DGKI: variants seen among roughly 807,000 people sequenced by gnomAD.
DGKI encodes diacylglycerol kinase iota.
A neutral mutation model predicts 147.5 loss-of-function variants in DGKI; 55 were observed. That is an observed-to-expected ratio of 0.37 (90% CI 0.30 to 0.47). The LOEUF is 0.47. Among genes scored for constraint, DGKI ranks in the 20% least tolerant of loss-of-function variants. The pLI is 1.00. For synonymous variants in DGKI, 469 were observed against 477.1 expected, an observed-to-expected ratio of 0.98 and a Z score of 0.22; for missense variants, 1,007 against 1,323.8, an observed-to-expected ratio of 0.76 and a Z score of 3.71.
chr7:137,830,153 A>T (rs1473953381), intron 1 of DGKI, among the ~76,000 whole-genome samples: 2 of 152,268 alleles, frequency 1.3e-5, no homozygotes, highest in African/African-American at 4.8e-5. Context: ...AAACTTTGGA[A>T]ATATTATCAG....
intron 30 of DGKI, among the ~76,000 whole-genome samples, chr7:137,402,393 G>A (rs1167213450): frequency 6.6e-6 from 1 of 152,130 alleles, no homozygotes; most frequent in Non-Finnish European, 1.5e-5. Context: ...GAGACACCCA[G>A]GGAATGCGAA....
rs909247320 is a variant in DGKI at position 137,391,650 on chromosome 7, G to T, written c.3058-314C>A. ...CACAGAGGTTAACAGTATACAGAAG[G>T]AAACAGTGGGGTAAAGCGAGTTTTG... is the stretch of plus-strand genomic sequence containing the variant. On this transcript the variant is annotated intron_variant, in intron 32 of 32. Coordinates refer to ENST00000614521, the MANE Select transcript of DGKI (RefSeq NM_001321708.2). Among the ~76,000 whole-genome samples, 3 of 152,164 alleles carry T rather than the reference G, an allele frequency of 2.0e-5. No individual in the cohort carries two copies. The East Asian group carries it at 5.8e-4, about 29-fold the overall frequency.
chr7:137,393,256 A>T (rs1490237103), intron 32 of DGKI, among the ~76,000 whole-genome samples: 3 of 152,160 alleles, frequency 2.0e-5, no homozygotes, highest in African/African-American at 4.8e-5. Flanking sequence ...ACACATACAC[A>T]ACACAAAACA....
At chr7:137,803,129 C>T (rs117787492) in intron 1 of DGKI, among the ~76,000 whole-genome samples, 2 of 151,990 alleles carry the variant, frequency 1.3e-5, no homozygotes, top group Admixed American at 6.6e-5. Context: ...AGCAAGTGAG[C>T]GATTAAAGGT....
chr7:137,444,763 A>G (rs919075100), intron 27 of DGKI, among the ~76,000 whole-genome samples: 41 of 152,206 alleles, frequency 2.7e-4, no homozygotes, highest in African/African-American at 9.9e-4. Context: ...ATGAAAAATC[A>G]TATCAACCCT....
intron 3 of DGKI, among the ~76,000 whole-genome samples, chr7:137,669,451 C>T (rs1822764341): frequency 6.6e-6 from 1 of 152,190 alleles, no homozygotes; most frequent in Non-Finnish European, 1.5e-5. Flanking sequence ...GAAGAGAAAC[C>T]ATTTCTGTAC....
chr7:137,451,846 C>T (rs754775912), intron 27 of DGKI, among the ~76,000 whole-genome samples: 1 of 152,056 alleles, frequency 6.6e-6, no homozygotes, highest in Admixed American at 6.6e-5. Flanking sequence ...TTTTTAGACT[C>T]TATGCATATT....
At chr7:137,776,859 A>G (rs1796377475) in intron 1 of DGKI, among the ~76,000 whole-genome samples, 1 of 152,038 alleles carries the variant, frequency 6.6e-6, no homozygotes, top group Admixed American at 6.6e-5. Context: ...GAAAAGGAGG[A>G]GTAATGAGAT....
At chr7:137,696,431 CTTTTTTTTTTTTTT>C (rs10609322) in intron 1 of DGKI, among the ~76,000 whole-genome samples, 18 of 36,694 alleles carry the variant, frequency 4.9e-4, no homozygotes, top group Admixed American at 1.5e-3. Context: ...GCCCAAAAGA[CTTTTTTTTTTTTTT>C]TTTTTTTTTT....
At chr7:137,478,764 C>T (rs1815266774) in intron 23 of DGKI, among the ~76,000 whole-genome samples, 1 of 152,192 alleles carries the variant, frequency 6.6e-6, no homozygotes, top group African/African-American at 2.4e-5. Context: ...GGTTCCAGGA[C>T]AGACCTTAGC....
chr7:137,692,131 A>G (rs1341762465), intron 1 of DGKI, among the ~76,000 whole-genome samples: 1 of 152,180 alleles, frequency 6.6e-6, no homozygotes, highest in Non-Finnish European at 1.5e-5. Flanking sequence ...AATCTTATAC[A>G]GTGATCTTTC....
chr7:137,593,445 A>G (rs1205767868), intron 12 of DGKI, among the ~76,000 whole-genome samples: 1 of 152,254 alleles, frequency 6.6e-6, no homozygotes, highest in Non-Finnish European at 1.5e-5. Flanking sequence ...GTTTGAGATC[A>G]TTCTTGAGTG....
chr7:137,783,890 G>A (rs1796592122), intron 1 of DGKI, among the ~76,000 whole-genome samples: 1 of 152,204 alleles, frequency 6.6e-6, no homozygotes, highest in South Asian at 2.1e-4. Context: ...CTTCATAAAT[G>A]AGGGATAGAT....
At chr7:137,793,312 T>C (rs1479267679) in intron 1 of DGKI, among the ~76,000 whole-genome samples, 1 of 151,864 alleles carries the variant, frequency 6.6e-6, no homozygotes, top group Non-Finnish European at 1.5e-5. Context: ...TTTTTGTTTT[T>C]TTTTTTGAGA....
chr7:137,446,030 G>A (rs1428953212), intron 27 of DGKI, among the ~76,000 whole-genome samples: 1 of 152,152 alleles, frequency 6.6e-6, no homozygotes, highest in Non-Finnish European at 1.5e-5. Flanking sequence ...CTTTCCTCCT[G>A]GTGTTTGCTG....
At chr7:137,513,353 C>CTCT (rs1816642126) in intron 21 of DGKI, among the ~76,000 whole-genome samples, 1 of 152,232 alleles carries the variant, frequency 6.6e-6, no homozygotes, top group East Asian at 1.9e-4. Flanking sequence ...GCATTTGGCC[C>CTCT]TCTTCTGAAT....
At chr7:137,765,238 C>T (rs1364876887) in intron 1 of DGKI, among the ~76,000 whole-genome samples, 1 of 152,158 alleles carries the variant, frequency 6.6e-6, no homozygotes, top group Non-Finnish European at 1.5e-5. Context: ...ACTTCAGTGT[C>T]TTTCTCTACC....
chr7:137,488,787 A>G (rs1815659699), intron 21 of DGKI, among the ~76,000 whole-genome samples: 1 of 152,198 alleles, frequency 6.6e-6, no homozygotes, highest in South Asian at 2.1e-4. Context: ...ATGCATAAAA[A>G]ACCTTGAAGA....
In DGKI at chr7:137,585,356, CAG is replaced by C; in HGVS notation, c.1426-12_1426-11del. The C allele has an allele frequency of 6.8e-6, 11 of 1,613,406 alleles. No individual in the cohort carries two copies. Among genetic ancestry groups the C allele is most frequent in the Non-Finnish European group, 9.3e-6 (11 of 1,179,720 alleles). ...GTTCATCAGTGTAGCCCTGAGGAAT[CAG>C]AGAACATATCCATTGCTGTCCAGAG... On this transcript the variant is annotated splice_polypyrimidine_tract_variant and intron_variant, in intron 13 of 32. Coordinates refer to ENST00000614521, the MANE Select transcript of DGKI (RefSeq NM_001321708.2).
Sources: allele counts gnomAD v4.1 joint callset (sites outside exome capture counted in the v4.1 genomes callset), GRCh38; gene constraint gnomAD v4.1.1; transcripts MANE v1.5; gene names NCBI Gene and HGNC (gene_info 2026-07-23, HGNC 2026-07-21).